The following VDAC1 variants were observed in gnomAD, a reference collection of about 807,000 sequenced individuals.
VDAC1 encodes voltage dependent anion channel 1, also known as non-selective voltage-gated ion channel VDAC1.
A neutral mutation model predicts 34.7 loss-of-function variants in VDAC1; 10 were observed. The observed-to-expected ratio is 0.29, with a 90% CI of 0.18 to 0.49. VDAC1 has a LOEUF of 0.49. Among genes scored for constraint, VDAC1 ranks in the 20% least tolerant of loss-of-function variants. The probability of loss-of-function intolerance (pLI) is 0.99; values close to 1 mark genes in which losing one functional copy is unlikely to be tolerated. For synonymous variants in VDAC1, 130 were observed against 136.0 expected, an observed-to-expected ratio of 0.96 and a Z score of 0.30; for missense variants, 230 against 347.9, an observed-to-expected ratio of 0.66 and a Z score of 2.69.
the VDAC1 span, among the ~76,000 whole-genome samples, chr5:134,097,644 C>T: frequency 6.6e-6 from 1 of 152,174 alleles, no homozygotes; most frequent in African/African-American, 2.4e-5. Context: ...CCGCAGCCCT[C>T]ACCCACGGTG....
chr5:134,051,678 T>C, the VDAC1 span, among the ~76,000 whole-genome samples: 3 of 151,624 alleles, frequency 2.0e-5, no homozygotes, highest in Non-Finnish European at 4.4e-5. Context: ...GTTTTTTTTT[T>C]TTTTGGCTTT....
the VDAC1 span, among the ~76,000 whole-genome samples, chr5:134,010,969 CT>C: frequency 4.6e-3 from 662 of 144,092 alleles, 4 homozygotes; most frequent in African/African-American, 0.012. Context: ...CCCCCATTCC[CT>C]TTTTTTTTTT....
intron 1 of VDAC1, among the ~76,000 whole-genome samples, chr5:133,999,983 G>C (rs1210475175): frequency 6.6e-6 from 1 of 152,114 alleles, no homozygotes; most frequent in Non-Finnish European, 1.5e-5. Context: ...ACCAGCCAGT[G>C]ATCACAGAAA....
At chr5:134,060,791 G>A in the VDAC1 span, among the ~76,000 whole-genome samples, 1 of 150,040 alleles carries the variant, frequency 6.7e-6, no homozygotes, top group Non-Finnish European at 1.5e-5. Context: ...TATGTATTAT[G>A]TATATTACAT....
the VDAC1 span, chr5:134,081,968 G>T: frequency 6.1e-6 from 1 of 164,372 alleles, no homozygotes. Flanking sequence ...GCCAGGTTTG[G>T]TGCATCATAG....
chr5:134,005,351 G>A (rs1016597524), upstream of VDAC1: 16 of 152,352 alleles, frequency 1.1e-4, no homozygotes, highest in African/African-American at 3.8e-4. Flanking sequence ...GAGTAGAGGC[G>A]GCGACTGTTG....
At chr5:134,090,873 G>A in the VDAC1 span, among the ~76,000 whole-genome samples, 2 of 152,188 alleles carry the variant, frequency 1.3e-5, no homozygotes, top group Non-Finnish European at 2.9e-5. Flanking sequence ...TACCTCTCAA[G>A]GATTTTGAAT....
At chr5:134,036,213 C>A in the VDAC1 span, among the ~76,000 whole-genome samples, 2 of 151,980 alleles carry the variant, frequency 1.3e-5, no homozygotes, top group African/African-American at 4.8e-5. Flanking sequence ...CAGGCAGGTA[C>A]CACCTTAACC....
chr5:134,068,411 CTT>C, the VDAC1 span, among the ~76,000 whole-genome samples: 22 of 136,830 alleles, frequency 1.6e-4, no homozygotes, highest in Non-Finnish European at 1.6e-4. Flanking sequence ...TTTCTCAGTG[CTT>C]TTTTTTTTTT....
chr5:134,108,772 C>G, the VDAC1 span, among the ~76,000 whole-genome samples: 1 of 152,122 alleles, frequency 6.6e-6, no homozygotes, highest in Non-Finnish European at 1.5e-5. Flanking sequence ...AGGCAAGGTT[C>G]AATGGATGGC....
chr5:134,075,896 T>A, the VDAC1 span, among the ~76,000 whole-genome samples: 1 of 151,926 alleles, frequency 6.6e-6, no homozygotes, highest in Non-Finnish European at 1.5e-5. Flanking sequence ...TTGCTACCAT[T>A]TTCATACTAT....
At chr5:134,032,359 T>G in the VDAC1 span, among the ~76,000 whole-genome samples, 16 of 152,100 alleles carry the variant, frequency 1.1e-4, no homozygotes, top group Non-Finnish European at 7.3e-5. Flanking sequence ...AGCCAATAAA[T>G]GTATGGTAAT....
the VDAC1 span, among the ~76,000 whole-genome samples, chr5:134,012,499 G>T: frequency 2.2e-4 from 34 of 152,124 alleles, no homozygotes; most frequent in East Asian, 4.1e-3. Context: ...GAAGGCAGAG[G>T]TTTTGAAATG....
intron 5 of VDAC1, among the ~76,000 whole-genome samples, chr5:133,989,428 C>T (rs1753021042): frequency 6.6e-6 from 1 of 150,982 alleles, no homozygotes; most frequent in South Asian, 2.1e-4. Context: ...GGTGCGATCT[C>T]AGCTCACTGC....
intron 1 of VDAC1, among the ~76,000 whole-genome samples, chr5:134,001,025 C>T (rs17694462): frequency 0.053 from 8,056 of 152,246 alleles, 234 homozygotes; most frequent in East Asian, 0.13. Flanking sequence ...ATAGAGGTGA[C>T]TCCATTGTCC....
At chr5:134,055,133 G>C in the VDAC1 span, among the ~76,000 whole-genome samples, 68 of 152,326 alleles carry the variant, frequency 4.5e-4, no homozygotes, top group African/African-American at 1.5e-3. Context: ...TAGACAGAGT[G>C]GGAAGCAGCC....
chr5:133,992,710 A>G (rs1753151276), intron 2 of VDAC1, among the ~76,000 whole-genome samples: 1 of 152,276 alleles, frequency 6.6e-6, no homozygotes. Flanking sequence ...GGGCTGCTCC[A>G]CACTTGGAAA....
At chr5:133,999,933 GT>G (rs1287487682) in intron 1 of VDAC1, among the ~76,000 whole-genome samples, 2 of 152,070 alleles carry the variant, frequency 1.3e-5, no homozygotes, top group Non-Finnish European at 2.9e-5. Flanking sequence ...TAGGTGGTTT[GT>G]CAGGGCAGAA....
At chr5:134,102,659 ACT>A in the VDAC1 span, among the ~76,000 whole-genome samples, 2 of 152,004 alleles carry the variant, frequency 1.3e-5, no homozygotes, top group African/African-American at 2.4e-5. Context: ...CAAAAGTGAA[ACT>A]CTGTCTCAAA....
Sources: allele counts gnomAD v4.1 joint callset (sites outside exome capture counted in the v4.1 genomes callset), GRCh38; gene constraint gnomAD v4.1.1; transcripts MANE v1.5; gene names NCBI Gene and HGNC (gene_info 2026-07-23, HGNC 2026-07-21).